DOCK1: variants seen among roughly 807,000 people sequenced by gnomAD.
DOCK1 encodes the protein dedicator of cytokinesis 1.
A neutral mutation model predicts 262.7 loss-of-function variants in DOCK1; 138 were observed. The ratio of observed to expected loss-of-function variants is 0.53; its 90% CI spans 0.46 to 0.61. The LOEUF (loss-of-function observed/expected upper bound fraction) is 0.61, where lower values mean the gene tolerates loss of function less well. Among genes scored for constraint, DOCK1 ranks in the 20% least tolerant of loss-of-function variants. The pLI, the probability that DOCK1 is intolerant of heterozygous loss-of-function variation, is 0.00. For synonymous variants in DOCK1, 866 were observed against 867.4 expected (o/e 1.00, Z 0.03); for missense variants, 1,908 against 2,370.7 (o/e 0.80, Z 4.05).
At chr10:126,924,873 T>C (rs540434187) in intron 1 of DOCK1, among the ~76,000 whole-genome samples, 17 of 152,374 alleles carry the variant, frequency 1.1e-4, no homozygotes, top group Admixed American at 1.1e-3. Context: ...AAAGTGTTTC[T>C]TAAGGACAAA....
At chr10:127,249,994 T>C (rs1052901937) in intron 28 of DOCK1, among the ~76,000 whole-genome samples, 1 of 152,228 alleles carries the variant, frequency 6.6e-6, no homozygotes, top group Non-Finnish European at 1.5e-5. Context: ...AATCATGGCA[T>C]AGCGAAATCA....
intron 27 of DOCK1, among the ~76,000 whole-genome samples, chr10:127,226,907 G>A (rs757802462): frequency 9.9e-5 from 15 of 152,144 alleles, no homozygotes; most frequent in Non-Finnish European, 5.9e-5. Context: ...CAGCACCCAA[G>A]TCACCCCGTC....
chr10:127,370,859 A>G (rs1164552824), intron 33 of DOCK1, among the ~76,000 whole-genome samples: 1 of 152,236 alleles, frequency 6.6e-6, no homozygotes, highest in Non-Finnish European at 1.5e-5. Flanking sequence ...CTCTCTGTTC[A>G]GTATTTTCAG....
At chr10:127,160,328 G>A (rs2053488214) in intron 27 of DOCK1, among the ~76,000 whole-genome samples, 1 of 152,168 alleles carries the variant, frequency 6.6e-6, no homozygotes. Flanking sequence ...TCACAACACT[G>A]TTTCCTTCAT....
intron 25 of DOCK1, among the ~76,000 whole-genome samples, chr10:127,116,162 AT>A (rs577502064): frequency 6.6e-6 from 1 of 152,122 alleles, no homozygotes; most frequent in Non-Finnish European, 1.5e-5. Flanking sequence ...GTGAGTAGGA[AT>A]GGGAAAGAGG....
chr10:127,049,711 T>C (rs2044585460), intron 21 of DOCK1, among the ~76,000 whole-genome samples: 1 of 151,966 alleles, frequency 6.6e-6, no homozygotes, highest in Non-Finnish European at 1.5e-5. Context: ...GAAAATTCTG[T>C]ATGCTTTTGT....
chr10:127,257,456 C>A, intron 29 of DOCK1, 27 bp downstream of exon 29: 1 of 1,564,380 alleles, frequency 6.4e-7, no homozygotes, highest in African/African-American at 1.3e-5. Context: ...CGGCTCTCAC[C>A]TTTTCTATGG....
At chr10:127,026,069 AAAAG>A (rs74726326) in intron 15 of DOCK1, 1 of 310,188 alleles carries the variant, frequency 3.2e-6, no homozygotes, top group Non-Finnish European at 5.9e-6. Flanking sequence ...CAAAAAAAAA[AAAAG>A]AAAGAAAAAA....
At chr10:127,246,096 A>G (rs1286203016) in intron 27 of DOCK1, among the ~76,000 whole-genome samples, 1 of 152,194 alleles carries the variant, frequency 6.6e-6, no homozygotes, top group Non-Finnish European at 1.5e-5. Flanking sequence ...TGATGACTGC[A>G]AGCGTAGAGG....
intron 29 of DOCK1, among the ~76,000 whole-genome samples, chr10:127,298,702 G>A (rs139513505): frequency 2.4e-4 from 36 of 152,296 alleles, no homozygotes; most frequent in African/African-American, 7.5e-4. Context: ...AGTTGATTTC[G>A]CAGGAAACAC....
chr10:127,327,125 T>G (rs2062778748), intron 29 of DOCK1, among the ~76,000 whole-genome samples: 1 of 152,216 alleles, frequency 6.6e-6, no homozygotes, highest in Admixed American at 6.5e-5. Flanking sequence ...GAATAACAAA[T>G]AAGCATTGGC....
At chr10:127,433,205 G>A (rs1591040662) in intron 47 of DOCK1, 78 bp from the exon 48 acceptor site, 20 of 1,577,472 alleles carry the variant, frequency 1.3e-5, no homozygotes, top group Non-Finnish European at 1.6e-5. Context: ...CACAGCTAAG[G>A]CCACTTTATC....
chr10:126,932,085 G>A (rs2034231323), intron 1 of DOCK1, among the ~76,000 whole-genome samples: 1 of 152,308 alleles, frequency 6.6e-6, no homozygotes, highest in African/African-American at 2.4e-5. Flanking sequence ...GATTCTGGAA[G>A]GTTGAGGATA....
At chr10:127,269,050 T>C (rs2060473143) in intron 29 of DOCK1, among the ~76,000 whole-genome samples, 2 of 152,126 alleles carry the variant, frequency 1.3e-5, no homozygotes, top group African/African-American at 4.8e-5. Context: ...CTGGAGTCAG[T>C]TTGTCAGGTC....
intron 23 of DOCK1, among the ~76,000 whole-genome samples, chr10:127,097,632 C>T (rs946445048): frequency 1.3e-5 from 2 of 152,124 alleles, no homozygotes; most frequent in African/African-American, 2.4e-5. Flanking sequence ...TCAGACCGTC[C>T]CCCCACTGGT....
At chr10:127,036,483 G>C (rs1286748621) in intron 18 of DOCK1, among the ~76,000 whole-genome samples, 2 of 151,946 alleles carry the variant, frequency 1.3e-5, no homozygotes, top group Non-Finnish European at 2.9e-5. Context: ...GTATTAACTA[G>C]AGTTTTGTTT....
chr10:127,274,081 G>C (rs1184167435), intron 29 of DOCK1, among the ~76,000 whole-genome samples: 1 of 152,160 alleles, frequency 6.6e-6, no homozygotes, highest in Non-Finnish European at 1.5e-5. Flanking sequence ...TTTCAGAGCA[G>C]TATTCAAATG....
intron 37 of DOCK1, among the ~76,000 whole-genome samples, chr10:127,383,615 G>A (rs1926434): frequency 0.47 from 71,894 of 152,076 alleles, 17,423 homozygotes; most frequent in African/African-American, 0.57. Context: ...ATGTCCAGCG[G>A]GAGGTGCTCC....
intron 27 of DOCK1, chr10:127,145,866 G>T: frequency 2.6e-6 from 1 of 384,332 alleles, no homozygotes; most frequent in Non-Finnish European, 5.1e-6. Context: ...CTGCTTGTGT[G>T]TGTCATCTGG....
Sources: allele counts gnomAD v4.1 joint callset (sites outside exome capture counted in the v4.1 genomes callset), GRCh38; gene constraint gnomAD v4.1.1; transcripts MANE v1.5; gene names NCBI Gene and HGNC (gene_info 2026-07-23, HGNC 2026-07-21).